The following PRORP variants were observed in gnomAD, a reference collection of about 807,000 sequenced individuals.
The protein encoded by PRORP is mitochondrial ribonuclease P catalytic subunit.
A neutral mutation model predicts 59.4 loss-of-function variants in PRORP; 51 were observed. The observed-to-expected ratio is 0.86, with a 90% CI of 0.69 to 1.08. PRORP has a LOEUF of 1.08. PRORP is among the 50% of genes least tolerant of loss of function. The probability of loss-of-function intolerance (pLI) is 0.00; values close to 1 mark genes in which losing one functional copy is unlikely to be tolerated. For missense variants in PRORP, 646 were observed against 690.3 expected (o/e 0.94, Z 0.72); for synonymous variants, 231 against 245.6 (o/e 0.94, Z 0.55).
At chr14:35,201,971 TA>T (rs1235568234) in intron 5 of PRORP, among the ~76,000 whole-genome samples, 2 of 133,546 alleles carry the variant, frequency 1.5e-5, no homozygotes, top group African/African-American at 2.7e-5. Flanking sequence ...AAATTATTAT[TA>T]TTTTTTTTTT....
intron 5 of PRORP, among the ~76,000 whole-genome samples, chr14:35,195,765 T>C (rs1047386682): frequency 3.3e-5 from 5 of 152,126 alleles, no homozygotes; most frequent in African/African-American, 1.2e-4. Flanking sequence ...TTTTTTTAAC[T>C]ATATATGTGA....
intron 5 of PRORP, among the ~76,000 whole-genome samples, chr14:35,202,791 G>A (rs2049191052): frequency 6.6e-6 from 1 of 151,998 alleles, no homozygotes; most frequent in South Asian, 2.1e-4. Flanking sequence ...CGCCACACCT[G>A]GCTAATTAAA....
intron 5 of PRORP, 31 bp downstream of exon 5, chr14:35,180,808 A>G (rs2048586311): frequency 3.0e-6 from 4 of 1,346,322 alleles, no homozygotes; most frequent in East Asian, 2.3e-5. Context: ...GTTATTCCAC[A>G]TCTCTAGAAA....
intron 5 of PRORP, among the ~76,000 whole-genome samples, chr14:35,264,826 A>G (rs2051000422): frequency 6.6e-6 from 1 of 152,076 alleles, no homozygotes; most frequent in Non-Finnish European, 1.5e-5. Context: ...AAAAATACAA[A>G]AATTAGCCAG....
rs140391718 is a variant in PRORP, at chr14:35,205,307, G to C, written c.1275+24530G>C. ...AGCAGTTCCCCTGCCTCAGCCTCCT[G>C]AGTAGCTGGGATTACAGGCTAATGC... On this transcript the variant is annotated intron_variant, in intron 5 of 7. Coordinates refer to ENST00000534898, the MANE Select transcript of PRORP (RefSeq NM_014672.4). Among the ~76,000 whole-genome samples, 406 of 152,262 alleles carry C rather than the reference G, an allele frequency of 2.7e-3. 1 individual carries two copies. Among genetic ancestry groups the C allele is most frequent in the Middle Eastern group, 6.8e-3 (2 of 294 alleles).
intron 4 of PRORP, among the ~76,000 whole-genome samples, chr14:35,167,983 T>A (rs2048226562): frequency 6.6e-6 from 1 of 152,352 alleles, no homozygotes; most frequent in East Asian, 1.9e-4. Flanking sequence ...AGCAACTGGC[T>A]TTAACACATT....
chr14:35,151,787 G>C (rs2047757084), intron 4 of PRORP, among the ~76,000 whole-genome samples: 1 of 151,948 alleles, frequency 6.6e-6, no homozygotes, highest in South Asian at 2.1e-4. Flanking sequence ...TCAGAATAGT[G>C]CTTTACATAA....
chr14:35,173,156 C>T (rs1463480728), intron 4 of PRORP, among the ~76,000 whole-genome samples: 1 of 152,244 alleles, frequency 6.6e-6, no homozygotes, highest in Non-Finnish European at 1.5e-5. Flanking sequence ...GCTTGAGCCA[C>T]TGTGCCCAGC....
intron 5 of PRORP, among the ~76,000 whole-genome samples, chr14:35,223,835 C>T (rs975693773): frequency 2.6e-5 from 4 of 152,094 alleles, no homozygotes; most frequent in African/African-American, 9.7e-5. Context: ...GCTTATTTTC[C>T]ATCTACTTGA....
intron 5 of PRORP, among the ~76,000 whole-genome samples, chr14:35,188,961 A>AGAAAAAAAG (rs59671236): frequency 7.5e-6 from 1 of 132,768 alleles, no homozygotes. Flanking sequence ...AAAAAAAAAA[A>AGAAAAAAAG]AAAGTATTGC....
intron 2 of PRORP, among the ~76,000 whole-genome samples, chr14:35,125,779 T>C (rs117765529): frequency 0.017 from 2,513 of 152,278 alleles, 25 homozygotes; most frequent in Non-Finnish European, 0.025. Flanking sequence ...CTGAGCACTT[T>C]TAGAGACTGA....
chr14:35,135,778 GA>G (rs2047356369), intron 4 of PRORP, among the ~76,000 whole-genome samples: 1 of 151,768 alleles, frequency 6.6e-6, no homozygotes, highest in Non-Finnish European at 1.5e-5. Context: ...GGCAATATGG[GA>G]AAACCCCGTC....
chr14:35,262,369 C>CG, intron 5 of PRORP: 9 of 301,714 alleles, frequency 3.0e-5, no homozygotes, highest in Admixed American at 4.5e-5. Context: ...AGATGTTTGC[C>CG]TTTTATTACT....
chr14:35,228,387 C>T (rs965576516), intron 5 of PRORP, among the ~76,000 whole-genome samples: 2 of 152,166 alleles, frequency 1.3e-5, no homozygotes, highest in African/African-American at 2.4e-5. Flanking sequence ...GTTTGGATTA[C>T]GAATGATCCC....
Position 35,160,787 on chromosome 14 carries a change from C to T in PRORP, c.1168-19883C>T, listed in dbSNP as rs2048038260. Among the ~76,000 whole-genome samples, 5 of 152,264 alleles carry T rather than the reference C, an allele frequency of 3.3e-5. No individual in the cohort carries two copies. In the South Asian group the frequency reaches 1.0e-3, roughly 32 times the overall value. On this transcript the variant is annotated intron_variant, in intron 4 of 7. Coordinates refer to ENST00000534898, the MANE Select transcript of PRORP (RefSeq NM_014672.4). Reference sequence around the variant, plus strand: ...TCACAAGTTTGTTTTGAGGATAGATCAGAAGACATATGCACATTGTAAAGC... The same window carrying T: ...TCACAAGTTTGTTTTGAGGATAGATTAGAAGACATATGCACATTGTAAAGC...
intron 5 of PRORP, among the ~76,000 whole-genome samples, chr14:35,218,818 G>A (rs559244900): frequency 1.1e-4 from 16 of 152,106 alleles, no homozygotes; most frequent in Non-Finnish European, 1.9e-4. Flanking sequence ...GAGCCACCAC[G>A]CCTGGCCAAT....
chr14:35,267,413 G>A (rs2051067970), intron 6 of PRORP, among the ~76,000 whole-genome samples: 1 of 152,166 alleles, frequency 6.6e-6, no homozygotes, highest in Admixed American at 6.5e-5. Context: ...CCTTTCTGAG[G>A]GGGCAGATTC....
intron 5 of PRORP, chr14:35,218,951 T>G (rs2049694860): frequency 6.6e-6 from 1 of 152,202 alleles, no homozygotes; most frequent in Non-Finnish European, 1.5e-5. Context: ...GAAGCTACAC[T>G]TTTTCAGTTC....
chr14:35,238,923 T>C (rs2050288591), intron 5 of PRORP, among the ~76,000 whole-genome samples: 1 of 152,186 alleles, frequency 6.6e-6, no homozygotes, highest in East Asian at 1.9e-4. Flanking sequence ...CTTTTACAGC[T>C]TATAGAGTCC....
Sources: gnomAD v4.1 joint callset for allele counts (sites outside exome capture counted in the v4.1 genomes callset) on GRCh38, gnomAD v4.1.1 for gene constraint, MANE v1.5 for transcripts, NCBI Gene and HGNC (gene_info 2026-07-23, HGNC 2026-07-21) for gene names.